ZNFX1: variants seen among roughly 807,000 people sequenced by gnomAD.
ZNFX1 encodes the protein zinc finger NFX1-type containing 1, also known as NFX1-type zinc finger-containing protein 1.
Under a neutral mutation model 179.8 loss-of-function variants are expected in ZNFX1, and 78 were observed. The observed-to-expected ratio is 0.43, with a 90% CI of 0.36 to 0.52. The LOEUF (loss-of-function observed/expected upper bound fraction) is 0.52, where lower values mean the gene tolerates loss of function less well. Ranked by LOEUF, ZNFX1 falls within the 20% of genes least tolerant of loss-of-function variation. ZNFX1 has a pLI of 0.00. For missense variants in ZNFX1, 1,927 were observed against 2,386.6 expected (o/e 0.81, Z 4.01); for synonymous variants, 848 against 868.5 (o/e 0.98, Z 0.42).
intron 1 of ZNFX1, 76 bp from the exon 2 acceptor site, chr20:49,275,963 C>T: frequency 2.3e-6 from 2 of 868,820 alleles, no homozygotes. Flanking sequence ...CAAGCCAGTC[C>T]TTCTGCCTTT....
In ZNFX1 at chr20:49,248,881, T is replaced by G; in HGVS notation, c.4143A>C (p.Arg1381Ser). 6.2e-7 allele frequency: 1 copy of G among 1,614,272 alleles called. No individual in the cohort carries two copies. The highest frequency in any genetic ancestry group is 8.5e-7 in the Non-Finnish European group (1 of 1,180,058). Residue 1381 changes from arginine to serine, a missense_variant, in exon 14 of 14, where the codon AGA (arginine) becomes AGC (serine). Arg to Ser is a moderately radical substitution (Grantham distance 110, BLOSUM62 -1). Transcript: ENST00000396105. The surrounding 1 kb of genome is among the most constrained non-coding windows in gnomAD (Gnocchi z 4.6). Reference protein sequence around the residue: ...CCQEPCSKSLRCGHRCSHPCG... With the variant: ...CCQEPCSKSLSCGHRCSHPCG... ...ATGGGTGGCTGCATCTGTGCCCACA[T>G]CTCAGAGACTTGGAGCAAGGCTCCT...
In ZNFX1 at chr20:49,246,452, C is replaced by T. The variant is rs774140833; in HGVS notation, c.*815G>A. ...TTTGTCTTATCACGTGCCTCCATCT[C>T]CTGGAGGCAGGGTGCCCAAGGAGGG... On this transcript the variant is annotated 3_prime_UTR_variant, in exon 14 of 14. Transcript: ENST00000396105. 4.9e-5 allele frequency: 8 copies of T among 162,450 alleles called. No homozygotes were observed. Among genetic ancestry groups the T allele is most frequent in the Non-Finnish European group, 9.4e-5 (7 of 74,518 alleles). The allele number at this position is 162,450 out of a possible 1,614,324, so 10.1% of individuals were successfully genotyped here.
chr20:49,254,750 C>A (rs145378090), intron 9 of ZNFX1, 101 bp from the exon 10 acceptor site: 1 of 603,810 alleles, frequency 1.7e-6, no homozygotes, highest in Non-Finnish European at 2.6e-6. Context: ...ACCTTGGACC[C>A]TTGGAGCATA....
intron 4 of ZNFX1, among the ~76,000 whole-genome samples, 154 bp from the exon 5 acceptor site, chr20:49,265,018 C>T (rs1981203256): frequency 6.6e-6 from 1 of 152,030 alleles, no homozygotes; most frequent in Admixed American, 6.6e-5. Context: ...AGAAGGTCCC[C>T]GAGAAGATGT....
chr20:49,249,019 A>G lies in ZNFX1; in HGVS notation c.4005T>C (p.Leu1335=), dbSNP rs372966340. The change falls in exon 14 of 14, where the codon CTT becomes CTC. Residue 1335 remains leucine, a synonymous_variant. Coordinates refer to ENST00000396105, the MANE Select transcript of ZNFX1 (RefSeq NM_021035.3). The part of the protein sequence containing the change: ...VICQEGHRCP[L]VCFQECQPCQ... ...AAGGCTGACACTCCTGGAAGCAAACAAGGGGACACCGGTGCCCTTCCTGAC... is the reference window on the plus strand; with the variant it reads ...AAGGCTGACACTCCTGGAAGCAAACGAGGGGACACCGGTGCCCTTCCTGAC... The G allele has an allele frequency of 1.3e-4, 215 of 1,614,222 alleles. No individual in the cohort carries two copies. Among genetic ancestry groups the G allele is most frequent in the Admixed American group, 5.3e-4 (32 of 60,026 alleles).
At chr20:49,260,289 CAAAA>C (rs11396262) in intron 7 of ZNFX1, among the ~76,000 whole-genome samples, 170 bp downstream of exon 7, 3 of 116,652 alleles carry the variant, frequency 2.6e-5, no homozygotes, top group Admixed American at 1.8e-4. Flanking sequence ...AACTCCATCT[CAAAA>C]AAAAAAAAAA....
rs141664909 is a variant in ZNFX1 at position 49,271,537 on chromosome 20, G to C, written c.275C>G (p.Ala92Gly). Residue 92 changes from alanine to glycine, a missense_variant, in exon 3 of 14, where the codon GCT (alanine) becomes GGT (glycine). Transcript: ENST00000396105. ...CTCCTGGTCATGTCTTTGGTCTCTA[G>C]CTTCGTCGCTGGCATGCCCCTCCTG... is the stretch of plus-strand genomic sequence containing the variant. ...RNQEGHASDE[A>G]RDQRHDQEND... 1.9e-6 allele frequency: 3 copies of C among 1,614,126 alleles called. No homozygotes were observed. The highest frequency in any genetic ancestry group is 2.5e-6 in the Non-Finnish European group (3 of 1,180,022).
chr20:49,258,665 G>A (rs1981035325), intron 7 of ZNFX1, among the ~76,000 whole-genome samples: 1 of 151,092 alleles, frequency 6.6e-6, no homozygotes, highest in Non-Finnish European at 1.5e-5. Flanking sequence ...AATTAGCCAA[G>A]TGTGGTGGCG....
intron 3 of ZNFX1, 92 bp from the exon 4 acceptor site, chr20:49,266,358 A>G (rs1981233321): frequency 8.7e-7 from 1 of 1,146,460 alleles, no homozygotes. Context: ...ATTTAATATA[A>G]TACATTAAGA....
At position 49,246,618 on chromosome 20, in the gene ZNFX1, T is replaced by C; in HGVS notation, c.*649A>G. 2 of 323,028 alleles carry C rather than the reference T, an allele frequency of 6.2e-6. No homozygotes were observed. Among genetic ancestry groups the C allele is most frequent in the Non-Finnish European group, 1.2e-5 (2 of 162,844 alleles). The allele number at this position is 323,028 out of a possible 1,614,324, so 20.0% of individuals were successfully genotyped here. On this transcript the variant is annotated 3_prime_UTR_variant, in exon 14 of 14. Coordinates refer to ENST00000396105, the MANE Select transcript of ZNFX1 (RefSeq NM_021035.3). ...CATCAATGAGCTCATACTCTGTTCC[T>C]GGGGAACAATGTAGAATAAACATCT...
intron 2 of ZNFX1, among the ~76,000 whole-genome samples, chr20:49,272,399 A>T (rs1205928087): frequency 1.3e-5 from 2 of 151,546 alleles, no homozygotes; most frequent in Admixed American, 1.3e-4. Context: ...CTGGTCTTGA[A>T]CTCCTGACAT....
intron 1 of ZNFX1, among the ~76,000 whole-genome samples, chr20:49,277,369 T>G (rs1175110948): frequency 8.3e-5 from 6 of 72,186 alleles, no homozygotes; most frequent in East Asian, 3.7e-4. Context: ...GGGGAGAGGG[T>G]GGTAGCGAGC....
At chr20:49,256,849 T>C (rs1249335322) in intron 8 of ZNFX1, among the ~76,000 whole-genome samples, 3 of 152,210 alleles carry the variant, frequency 2.0e-5, no homozygotes, top group Non-Finnish European at 2.9e-5. Flanking sequence ...ATTTTGAATA[T>C]CTAATCCTCG....
At chr20:49,266,936 GC>G (rs1490248465) in intron 3 of ZNFX1, among the ~76,000 whole-genome samples, 1 of 151,952 alleles carries the variant, frequency 6.6e-6, no homozygotes, top group Non-Finnish European at 1.5e-5. Context: ...CGCTCTTGTT[GC>G]CCAGGCTGGA....
chr20:49,265,876 C>T (rs1981222189), intron 4 of ZNFX1, among the ~76,000 whole-genome samples: 1 of 152,106 alleles, frequency 6.6e-6, no homozygotes, highest in South Asian at 2.1e-4. Flanking sequence ...CTATTCCAGG[C>T]CAGAGGATGG....
chr20:49,277,633 G>A (rs986300326), intron 1 of ZNFX1, among the ~76,000 whole-genome samples: 1 of 151,512 alleles, frequency 6.6e-6, no homozygotes, highest in Non-Finnish European at 1.5e-5. Flanking sequence ...CTGAGGGGAT[G>A]GGGACACTAA....
At chr20:49,266,066 G>C in intron 4 of ZNFX1, 69 bp downstream of exon 4, 1 of 1,543,866 alleles carries the variant, frequency 6.5e-7, no homozygotes, top group South Asian at 1.2e-5. Context: ...GCAATAGAAA[G>C]CTACTGAAGT....
At chr20:49,267,810 T>C (rs886989166) in intron 3 of ZNFX1, among the ~76,000 whole-genome samples, 1 of 152,116 alleles carries the variant, frequency 6.6e-6, no homozygotes, top group Admixed American at 6.5e-5. Context: ...CTTCAGTACA[T>C]ACTTCCCACC....
chr20:49,254,711 C>T, intron 9 of ZNFX1, 62 bp from the exon 10 acceptor site: 4 of 1,575,976 alleles, frequency 2.5e-6, no homozygotes, highest in Non-Finnish European at 3.5e-6. Context: ...TGGAAGAACG[C>T]CCTTCAGTGT....
Sources: allele counts gnomAD v4.1 joint callset (sites outside exome capture counted in the v4.1 genomes callset), GRCh38; gene constraint gnomAD v4.1.1; non-coding constraint Gnocchi (gnomAD v3.1); transcripts MANE v1.5; gene names NCBI Gene and HGNC (gene_info 2026-07-23, HGNC 2026-07-21).